SHISA9: variants seen among roughly 807,000 people sequenced by gnomAD.
SHISA9 encodes protein shisa-9.
Under a neutral mutation model 38.0 loss-of-function variants are expected in SHISA9, and 13 were observed. That is an observed-to-expected ratio of 0.34 (90% CI 0.22 to 0.54). SHISA9 has a LOEUF of 0.54. SHISA9 is among the 20% of genes least tolerant of loss of function. The pLI is 0.91. For synonymous variants in SHISA9, 275 were observed against 242.0 expected, an observed-to-expected ratio of 1.14 and a Z score of -1.27; for missense variants, 538 against 575.8, an observed-to-expected ratio of 0.93 and a Z score of 0.67.
the SHISA9 span, among the ~76,000 whole-genome samples, chr16:13,466,292 T>C: frequency 3.9e-5 from 6 of 152,348 alleles, no homozygotes; most frequent in South Asian, 1.2e-3. Context: ...CTGGGATGAT[T>C]GATCTGGACA....
At chr16:13,407,986 C>G in the SHISA9 span, among the ~76,000 whole-genome samples, 34 of 152,246 alleles carry the variant, frequency 2.2e-4, no homozygotes, top group African/African-American at 7.5e-4. Context: ...AGAGAGTTAA[C>G]TCAACATGTG....
chr16:13,275,140 C>A, the SHISA9 span, among the ~76,000 whole-genome samples: 4 of 152,136 alleles, frequency 2.6e-5, no homozygotes, highest in Admixed American at 6.6e-5. Context: ...CTGTGAAGAT[C>A]AAGTGTGGTA....
At chr16:13,214,613 AC>A (rs1043126519) in intron 4 of SHISA9, among the ~76,000 whole-genome samples, 5 of 152,166 alleles carry the variant, frequency 3.3e-5, no homozygotes, top group Non-Finnish European at 5.9e-5. Context: ...ATAAAGACAT[AC>A]CCAAGACTGG....
chr16:13,536,673 C>T, the SHISA9 span, among the ~76,000 whole-genome samples: 1 of 152,122 alleles, frequency 6.6e-6, no homozygotes, highest in African/African-American at 2.4e-5. Context: ...CAAAAATGTA[C>T]AAAGACAGTA....
intron 2 of SHISA9, among the ~76,000 whole-genome samples, chr16:12,996,424 C>T (rs1253419903): frequency 6.6e-6 from 1 of 152,162 alleles, no homozygotes; most frequent in Non-Finnish European, 1.5e-5. Flanking sequence ...GCCCCCAGAA[C>T]ACCCTCCTGA....
chr16:13,034,815 G>A (rs1465957365), intron 2 of SHISA9, among the ~76,000 whole-genome samples: 1 of 152,170 alleles, frequency 6.6e-6, no homozygotes, highest in Non-Finnish European at 1.5e-5. Context: ...CTCTGATGAA[G>A]GAGGAGAGAC....
At chr16:13,476,540 G>A in the SHISA9 span, among the ~76,000 whole-genome samples, 1 of 152,188 alleles carries the variant, frequency 6.6e-6, no homozygotes, top group East Asian at 1.9e-4. Flanking sequence ...AAAGTGCTTA[G>A]GAGGATTTGA....
At chr16:13,440,993 T>C in the SHISA9 span, among the ~76,000 whole-genome samples, 2 of 151,836 alleles carry the variant, frequency 1.3e-5, no homozygotes, top group African/African-American at 4.8e-5. Flanking sequence ...TCGAGAAAAT[T>C]AATCCAACTC....
chr16:13,524,692 G>C, the SHISA9 span, among the ~76,000 whole-genome samples: 1 of 152,058 alleles, frequency 6.6e-6, no homozygotes, highest in Admixed American at 6.6e-5. Flanking sequence ...CTGAGTAGCG[G>C]GGACTACAGG....
chr16:13,469,996 C>T, the SHISA9 span, among the ~76,000 whole-genome samples: 1 of 152,148 alleles, frequency 6.6e-6, no homozygotes, highest in African/African-American at 2.4e-5. Flanking sequence ...TGGGGCTAGG[C>T]ACCAATATTG....
the SHISA9 span, among the ~76,000 whole-genome samples, chr16:13,420,425 A>C: frequency 2.6e-5 from 4 of 152,004 alleles, no homozygotes; most frequent in Non-Finnish European, 5.9e-5. Context: ...TGGGGATGGA[A>C]GCTATCACAG....
At chr16:13,011,762 C>A (rs1027172429) in intron 2 of SHISA9, among the ~76,000 whole-genome samples, 2 of 152,000 alleles carry the variant, frequency 1.3e-5, no homozygotes, top group African/African-American at 4.8e-5. Flanking sequence ...ACCTCGTGAT[C>A]CGCCTGCCTC....
At chr16:13,434,419 G>GT in the SHISA9 span, among the ~76,000 whole-genome samples, 1,321 of 64,512 alleles carry the variant, frequency 0.02, 80 homozygotes, top group African/African-American at 0.053. Flanking sequence ...GACAAGCTAT[G>GT]TTTTTTTTTT....
intron 2 of SHISA9, among the ~76,000 whole-genome samples, chr16:12,933,357 C>T (rs1387180719): frequency 2.0e-5 from 3 of 151,668 alleles, no homozygotes; most frequent in African/African-American, 4.8e-5. Flanking sequence ...TGCAGTGGCT[C>T]GATCTTGGCT....
intron 2 of SHISA9, among the ~76,000 whole-genome samples, chr16:13,174,157 A>G (rs2050712070): frequency 6.6e-6 from 1 of 152,070 alleles, no homozygotes; most frequent in South Asian, 2.1e-4. Context: ...GCTTGTATAA[A>G]CTTGTAAAAT....
At chr16:13,245,206 T>G (rs184354076), downstream of SHISA9, among the ~76,000 whole-genome samples, 1 of 152,188 alleles carries the variant, frequency 6.6e-6, no homozygotes, top group African/African-American at 2.4e-5. Context: ...CATGAGCCTC[T>G]GCACCCTGCC....
intron 2 of SHISA9, among the ~76,000 whole-genome samples, chr16:13,036,817 G>A (rs2073071793): frequency 6.6e-6 from 1 of 151,190 alleles, no homozygotes; most frequent in Non-Finnish European, 1.5e-5. Flanking sequence ...ACTAAATGAG[G>A]TAAAGTAGTT....
intron 2 of SHISA9, among the ~76,000 whole-genome samples, chr16:13,196,386 G>A (rs1253950110): frequency 1.6e-5 from 2 of 122,512 alleles, no homozygotes; most frequent in Non-Finnish European, 3.2e-5. Flanking sequence ...GACAGAGCGA[G>A]ACTCCGTCTC....
the SHISA9 span, among the ~76,000 whole-genome samples, chr16:13,443,732 GATTAAC>G: frequency 6.6e-6 from 1 of 152,168 alleles, no homozygotes; most frequent in Non-Finnish European, 1.5e-5. Flanking sequence ...ACCTGGGAAA[GATTAAC>G]ATTAACAAAA....
Sources: allele counts gnomAD v4.1 joint callset (sites outside exome capture counted in the v4.1 genomes callset), GRCh38; gene constraint gnomAD v4.1.1; transcripts MANE v1.5; gene names NCBI Gene and HGNC (gene_info 2026-07-23, HGNC 2026-07-21).